Variants in MEI4 observed in about 807,000 individuals in gnomAD.
MEI4 encodes the protein meiotic double-stranded break formation protein 4, also known as meiosis-specific protein MEI4.
MEI4 carries 27 observed loss-of-function variants against 31.4 expected under a neutral mutation model. That is an observed-to-expected ratio of 0.86 (90% confidence interval 0.63 to 1.19). The LOEUF (loss-of-function observed/expected upper bound fraction) is 1.19. MEI4 is among the 50% of genes most tolerant of loss of function. The pLI is 0.00. For missense variants in MEI4, 329 were observed against 398.9 expected, an observed-to-expected ratio of 0.82 and a Z score of 1.49; for synonymous variants, 122 against 145.4, an observed-to-expected ratio of 0.84 and a Z score of 1.16.
intron 2 of MEI4, among the ~76,000 whole-genome samples, chr6:77,716,431 A>G (rs911862226): frequency 6.6e-6 from 1 of 152,312 alleles, no homozygotes; most frequent in Non-Finnish European, 1.5e-5. Flanking sequence ...GTGCTTGAAA[A>G]AAATGCAGTT....
chr6:77,921,507 G>T (rs1352683348), intron 4 of MEI4, among the ~76,000 whole-genome samples: 19 of 151,770 alleles, frequency 1.3e-4, no homozygotes, highest in Non-Finnish European at 2.9e-5. Flanking sequence ...CAGTGGAAGA[G>T]AACTTTACTT....
intron 4 of MEI4, among the ~76,000 whole-genome samples, chr6:77,830,472 C>T (rs1215929290): frequency 6.6e-6 from 1 of 151,906 alleles, no homozygotes; most frequent in Non-Finnish European, 1.5e-5. Flanking sequence ...GTAGCTTGAC[C>T]AAGACTGCAG....
intron 3 of MEI4, among the ~76,000 whole-genome samples, chr6:77,786,590 A>C (rs975223912): frequency 1.3e-5 from 2 of 152,132 alleles, no homozygotes; most frequent in East Asian, 1.9e-4. Context: ...AGAAATAAGT[A>C]ATAAGGCTTA....
intron 2 of MEI4, among the ~76,000 whole-genome samples, chr6:77,703,589 G>A (rs560964189): frequency 2.6e-5 from 4 of 152,124 alleles, no homozygotes; most frequent in African/African-American, 9.6e-5. Flanking sequence ...TGTCTTTTAA[G>A]TGTCCTATTT....
chr6:77,871,657 A>T (rs1771196191), intron 4 of MEI4, among the ~76,000 whole-genome samples: 1 of 152,176 alleles, frequency 6.6e-6, no homozygotes, highest in Non-Finnish European at 1.5e-5. Context: ...GGCAATATAC[A>T]CATGTAACAA....
intron 2 of MEI4, among the ~76,000 whole-genome samples, chr6:77,708,036 T>G (rs1298216389): frequency 3.3e-5 from 5 of 152,106 alleles, no homozygotes; most frequent in Non-Finnish European, 5.9e-5. Context: ...GGATTGGAGC[T>G]CCCACACAAG....
rs1582132267 is a variant in MEI4, at chr6:77,778,330, A to G, written c.768+16665A>G. 2.6e-5 allele frequency among the ~76,000 whole-genome samples: 4 copies of G among 152,128 alleles called. No homozygotes were observed. The South Asian group carries it at 8.3e-4, about 32-fold the overall frequency. On this transcript the variant is annotated intron_variant, in intron 3 of 4. Coordinates refer to ENST00000684080, the MANE Select transcript of MEI4 (RefSeq NM_001322247.2). ...GTTGCAAATAGAGGTGATGGTGGAA[A>G]GGAGTAGGGTGTTACTTGCTATGGA...
chr6:77,867,343 T>A (rs1771061922), intron 4 of MEI4, among the ~76,000 whole-genome samples: 1 of 152,168 alleles, frequency 6.6e-6, no homozygotes, highest in Non-Finnish European at 1.5e-5. Context: ...AGGGCTAATA[T>A]TCAGAATCTA....
intron 3 of MEI4, among the ~76,000 whole-genome samples, chr6:77,789,028 A>G (rs1378505295): frequency 6.6e-6 from 1 of 152,224 alleles, no homozygotes; most frequent in African/African-American, 2.4e-5. Context: ...AGTAACCAAA[A>G]TAGCATGGTA....
At chr6:77,817,978 G>A (rs1004139882) in intron 3 of MEI4, among the ~76,000 whole-genome samples, 1 of 152,080 alleles carries the variant, frequency 6.6e-6, no homozygotes, top group Non-Finnish European at 1.5e-5. Context: ...GAGCTGCATC[G>A]CTCATATACT....
At chr6:77,712,773 C>T (rs1766495581) in intron 2 of MEI4, among the ~76,000 whole-genome samples, 1 of 151,948 alleles carries the variant, frequency 6.6e-6, no homozygotes, top group Admixed American at 6.6e-5. Context: ...AGATGGAGAC[C>T]ATCCTAGCTA....
intron 1 of MEI4, among the ~76,000 whole-genome samples, chr6:77,682,566 C>CA (rs1768978789): frequency 6.6e-6 from 1 of 152,142 alleles, no homozygotes. Context: ...AACCTATTCT[C>CA]ACTCCAAGGC....
chr6:77,744,345 A>G (rs565208898), intron 2 of MEI4, among the ~76,000 whole-genome samples: 136 of 152,304 alleles, frequency 8.9e-4, no homozygotes, highest in African/African-American at 2.9e-3. Flanking sequence ...GAGCCGATGC[A>G]ATCAACTGGA....
intron 3 of MEI4, among the ~76,000 whole-genome samples, chr6:77,768,212 A>G (rs925808197): frequency 3.9e-5 from 6 of 152,120 alleles, no homozygotes; most frequent in Non-Finnish European, 7.4e-5. Flanking sequence ...ATTATGTCCT[A>G]TTTCCATCAC....
intron 4 of MEI4, among the ~76,000 whole-genome samples, chr6:77,905,368 C>G (rs1459233707): frequency 6.6e-6 from 1 of 151,056 alleles, no homozygotes; most frequent in African/African-American, 2.4e-5. Context: ...GAATCCATGG[C>G]TATAATATGT....
intron 2 of MEI4, among the ~76,000 whole-genome samples, chr6:77,698,545 G>A (rs895327644): frequency 1.9e-4 from 29 of 152,156 alleles, no homozygotes; most frequent in African/African-American, 7.0e-4. Context: ...TTGGCTGGAT[G>A]TGAAATTCTG....
At chr6:77,853,304 A>G (rs1035460524) in intron 4 of MEI4, among the ~76,000 whole-genome samples, 6 of 152,222 alleles carry the variant, frequency 3.9e-5, no homozygotes, top group African/African-American at 1.4e-4. Flanking sequence ...TTTACAGAAC[A>G]TCAAGAGAAA....
chr6:77,735,086 C>T (rs948332966), intron 2 of MEI4, among the ~76,000 whole-genome samples: 6 of 152,012 alleles, frequency 3.9e-5, no homozygotes, highest in African/African-American at 1.5e-4. Context: ...TTCATTTCTA[C>T]TTCGGTGAAC....
chr6:77,785,383 A>C (rs1768709275), intron 3 of MEI4, among the ~76,000 whole-genome samples: 1 of 152,152 alleles, frequency 6.6e-6, no homozygotes, highest in African/African-American at 2.4e-5. Flanking sequence ...AATAGGCCTA[A>C]TTTGGTATCT....
Sources: allele counts gnomAD v4.1 joint callset (sites outside exome capture counted in the v4.1 genomes callset), GRCh38; gene constraint gnomAD v4.1.1; transcripts MANE v1.5; gene names NCBI Gene and HGNC (gene_info 2026-07-23, HGNC 2026-07-21).